The following EML5 variants were observed in gnomAD, a reference collection of about 807,000 sequenced individuals.
The protein encoded by EML5 is echinoderm microtubule-associated protein-like 5.
EML5 carries 120 observed loss-of-function variants against 250.0 expected under a neutral mutation model. The ratio of observed to expected loss-of-function variants is 0.48; its 90% CI spans 0.41 to 0.56. The LOEUF is 0.56. Among genes scored for constraint, EML5 ranks in the 20% least tolerant of loss-of-function variants. The pLI is 0.00. For synonymous variants in EML5, 771 were observed against 806.5 expected, an observed-to-expected ratio of 0.96 and a Z score of 0.75; for missense variants, 2,006 against 2,437.6, an observed-to-expected ratio of 0.82 and a Z score of 3.73.
chr14:88,777,782 C>A (rs186577927), intron 1 of EML5, among the ~76,000 whole-genome samples: 1 of 152,300 alleles, frequency 6.6e-6, no homozygotes, highest in East Asian at 1.9e-4. Flanking sequence ...TCAAGACCAG[C>A]CTGGGCAACA....
chr14:88,682,622 C>G lies in EML5; in HGVS notation c.2983-591G>C, dbSNP rs145707113. Among the ~76,000 whole-genome samples the G allele has an allele frequency of 3.6e-3, 552 of 152,220 alleles. 6 individuals carry two copies. The highest frequency in any genetic ancestry group is 0.028 in the South Asian group (134 of 4,822). On this transcript the variant is annotated intron_variant, in intron 20 of 43. Transcript: ENST00000554922. ...CAAGAACACTAGGCTCTCTCTCCCC[C>G]CAGCTCGCGGTCAGAGCACTATCTT...
intron 20 of EML5, among the ~76,000 whole-genome samples, chr14:88,683,341 T>G (rs1237324827): frequency 6.6e-6 from 1 of 152,164 alleles, no homozygotes; most frequent in Non-Finnish European, 1.5e-5. Flanking sequence ...GAGCCTGAAT[T>G]TGATTGGTTT....
chr14:88,786,038 A>G (rs1046233172), intron 1 of EML5, among the ~76,000 whole-genome samples: 12 of 152,184 alleles, frequency 7.9e-5, no homozygotes, highest in African/African-American at 2.9e-4. Flanking sequence ...TGCTCCAGCC[A>G]CACTAACATT....
chr14:88,730,955 G>GT (rs967781932), intron 7 of EML5, among the ~76,000 whole-genome samples: 17 of 151,618 alleles, frequency 1.1e-4, no homozygotes, highest in Admixed American at 2.0e-4. Context: ...AGACTCTCTC[G>GT]TTTTTTTTAA....
chr14:88,633,267 G>C (rs2140493899), intron 33 of EML5, among the ~76,000 whole-genome samples: 1 of 152,110 alleles, frequency 6.6e-6, no homozygotes, highest in Non-Finnish European at 1.5e-5. Flanking sequence ...AAATCATCAA[G>C]GTATTTTAGT....
intron 21 of EML5, among the ~76,000 whole-genome samples, chr14:88,668,723 T>G (rs1440807682): frequency 6.6e-6 from 1 of 152,152 alleles, no homozygotes; most frequent in Non-Finnish European, 1.5e-5. Flanking sequence ...GGTGCAGGCA[T>G]AAAGCAGGTA....
chr14:88,735,073 G>A (rs186315643), intron 7 of EML5, among the ~76,000 whole-genome samples: 46 of 152,122 alleles, frequency 3.0e-4, no homozygotes, highest in African/African-American at 1.0e-3. Flanking sequence ...ATTTACAGAT[G>A]AAATCAGGGA....
At chr14:88,734,544 G>T (rs1366385327) in intron 7 of EML5, among the ~76,000 whole-genome samples, 1 of 151,936 alleles carries the variant, frequency 6.6e-6, no homozygotes, top group Admixed American at 6.6e-5. Context: ...CAAAGACAGG[G>T]TGTGATCAAG....
In EML5 at chr14:88,658,322, A is replaced by G. The variant is rs1409851910; in HGVS notation, c.3742T>C (p.Tyr1248His). 6.2e-7 allele frequency: 1 copy of G among 1,613,750 alleles called. No individual in the cohort carries two copies. The highest frequency in any genetic ancestry group is 8.5e-7 in the Non-Finnish European group (1 of 1,179,814). ...STHVTNVRWTYDDSMLVTLGG... is the reference protein window; with the variant it reads ...STHVTNVRWTHDDSMLVTLGG... The stretch of plus-strand genomic sequence containing the variant: ...AGGGTAACCAACATGCTGTCATCAT[A>G]AGTCCAGCGAACATTTGTGACATGT... The change falls in exon 26 of 44, where the codon TAT becomes CAT. Residue 1248 changes from tyrosine (Y) to histidine (H), a missense_variant. By Grantham distance (83) the Tyr-to-His change is moderately conservative. Coordinates refer to ENST00000554922, the MANE Select transcript of EML5 (RefSeq NM_183387.3).
chr14:88,677,205 A>G (rs2092614607), intron 21 of EML5, among the ~76,000 whole-genome samples: 1 of 152,068 alleles, frequency 6.6e-6, no homozygotes. Context: ...ACACCTGGCC[A>G]GATTCCCTAT....
At chr14:88,690,714 A>G (rs2092936802) in intron 17 of EML5, among the ~76,000 whole-genome samples, 1 of 152,250 alleles carries the variant, frequency 6.6e-6, no homozygotes, top group African/African-American at 2.4e-5. Flanking sequence ...AAATCACATC[A>G]CACTTTTATG....
At chr14:88,655,391 T>C (rs2091830824) in intron 27 of EML5, among the ~76,000 whole-genome samples, 1 of 152,166 alleles carries the variant, frequency 6.6e-6, no homozygotes, top group Admixed American at 6.5e-5. Flanking sequence ...ATTCCCTCTT[T>C]AATAAATGGT....
intron 21 of EML5, among the ~76,000 whole-genome samples, chr14:88,671,960 A>G (rs2092473746): frequency 6.6e-6 from 1 of 152,150 alleles, no homozygotes; most frequent in East Asian, 1.9e-4. Flanking sequence ...ATAGTGGGAG[A>G]CTTTAACACC....
At chr14:88,665,716 GAA>G (rs1208470023) in intron 21 of EML5, among the ~76,000 whole-genome samples, 1 of 152,112 alleles carries the variant, frequency 6.6e-6, no homozygotes, top group African/African-American at 2.4e-5. Flanking sequence ...GGGCGAGGGG[GAA>G]GAGAGAAGAG....
chr14:88,723,258 T>A (rs1168532492), intron 8 of EML5, among the ~76,000 whole-genome samples: 2 of 152,094 alleles, frequency 1.3e-5, no homozygotes, highest in African/African-American at 4.8e-5. Context: ...ACAAAAATTT[T>A]AAAAAATAAT....
chr14:88,727,428 T>G (rs947002668), intron 7 of EML5, among the ~76,000 whole-genome samples: 41 of 140,308 alleles, frequency 2.9e-4, no homozygotes, highest in Admixed American at 2.9e-3. Context: ...TGAGACGGAG[T>G]TTCGTTCCTG....
At chr14:88,615,997 T>C (rs145229922) in intron 43 of EML5, 143 bp from the exon 44 acceptor site, 58 of 1,267,182 alleles carry the variant, frequency 4.6e-5, no homozygotes, top group Non-Finnish European at 6.3e-5. Flanking sequence ...TGCATAAATA[T>C]GAGATTCTGA....
rs1185410035 is a variant in EML5 at position 88,615,790 on chromosome 14, T to G, written c.*28A>C. 2 of 1,605,350 alleles carry G rather than the reference T, an allele frequency of 1.2e-6. No homozygotes were observed. The highest frequency in any genetic ancestry group is 1.7e-6 in the Non-Finnish European group (2 of 1,175,954). On this transcript the variant is annotated 3_prime_UTR_variant, in exon 44 of 44. Coordinates refer to ENST00000554922, the MANE Select transcript of EML5 (RefSeq NM_183387.3). ...CTTCTCTGTAATTCTGGTCTCAAAG[T>G]TAATTTCTGTAGTCATCTCAGCATC... is the stretch of plus-strand genomic sequence containing the variant.
intron 24 of EML5, among the ~76,000 whole-genome samples, chr14:88,662,064 T>C (rs558482144): frequency 6.6e-6 from 1 of 152,260 alleles, no homozygotes; most frequent in Admixed American, 6.5e-5. Context: ...ATCCACTGTG[T>C]GTTCTAGATG....
Sources: allele counts gnomAD v4.1 joint callset (sites outside exome capture counted in the v4.1 genomes callset), GRCh38; gene constraint gnomAD v4.1.1; transcripts MANE v1.5; gene names NCBI Gene and HGNC (gene_info 2026-07-23, HGNC 2026-07-21).